The following LOC400499 variants were observed in gnomAD, a reference collection of about 807,000 sequenced individuals.
the LOC400499 span, among the ~76,000 whole-genome samples, chr16:11,419,156 ACT>A: frequency 2.7e-5 from 4 of 150,898 alleles, no homozygotes; most frequent in South Asian, 2.1e-4. Context: ...AAAGGGCAAA[ACT>A]CTGTCTCAAA....
chr16:11,460,636 T>C, the LOC400499 span: 1 of 1,501,806 alleles, frequency 6.7e-7, no homozygotes, highest in Non-Finnish European at 8.9e-7. Context: ...CAGAGACCCC[T>C]GCCCTCCTCT....
chr16:11,459,068 A>G, the LOC400499 span, among the ~76,000 whole-genome samples: 2 of 151,806 alleles, frequency 1.3e-5, no homozygotes. Flanking sequence ...AAATAAATAA[A>G]TAAATAAAAA....
chr16:11,502,781 A>AT, the LOC400499 span, among the ~76,000 whole-genome samples: 1 of 151,100 alleles, frequency 6.6e-6, no homozygotes, highest in Admixed American at 6.6e-5. Context: ...CGTCTGGCTT[A>AT]TTTTTTGTAT....
the LOC400499 span, chr16:11,446,705 T>G: frequency 6.5e-7 from 1 of 1,532,566 alleles, no homozygotes. Flanking sequence ...GGCCTTCCTC[T>G]GGCTCTCAGG....
At chr16:11,526,966 T>C in the LOC400499 span, among the ~76,000 whole-genome samples, 5 of 152,240 alleles carry the variant, frequency 3.3e-5, no homozygotes, top group African/African-American at 1.2e-4. Context: ...TCGCTCCTCT[T>C]CCCCATGAAA....
chr16:11,379,636 T>A, the LOC400499 span, among the ~76,000 whole-genome samples: 519 of 152,360 alleles, frequency 3.4e-3, 5 homozygotes, highest in African/African-American at 0.012. Context: ...CCAGTTGCTG[T>A]GGGGAGACTC....
the LOC400499 span, chr16:11,399,146 C>T: frequency 3.3e-6 from 3 of 916,418 alleles, no homozygotes; most frequent in African/African-American, 3.6e-5. Context: ...GGAGACCAGA[C>T]CTGATGCCTC....
chr16:11,419,062 A>T, the LOC400499 span, among the ~76,000 whole-genome samples: 1 of 152,154 alleles, frequency 6.6e-6, no homozygotes, highest in Non-Finnish European at 1.5e-5. Flanking sequence ...GTTACTCAGG[A>T]GGCTGAAGCG....
chr16:11,445,612 A>G, the LOC400499 span, among the ~76,000 whole-genome samples: 1 of 152,220 alleles, frequency 6.6e-6, no homozygotes, highest in East Asian at 1.9e-4. Context: ...CCGAGGCAGG[A>G]AAGAGCCAGG....
the LOC400499 span, among the ~76,000 whole-genome samples, chr16:11,434,969 A>G: frequency 6.6e-6 from 1 of 152,072 alleles, no homozygotes; most frequent in Non-Finnish European, 1.5e-5. Context: ...ATTCCTTTTT[A>G]CATGATTATT....
chr16:11,387,490 G>A, the LOC400499 span, among the ~76,000 whole-genome samples: 1 of 152,176 alleles, frequency 6.6e-6, no homozygotes, highest in African/African-American at 2.4e-5. Context: ...TGACAACGGA[G>A]GTGGTAGATG....
the LOC400499 span, chr16:11,372,476 T>G: frequency 6.6e-6 from 1 of 152,348 alleles, no homozygotes; most frequent in Admixed American, 6.5e-5. Flanking sequence ...TCTCCTGGTT[T>G]GCAGTGGAAG....
the LOC400499 span, among the ~76,000 whole-genome samples, chr16:11,445,494 G>C: frequency 3.3e-5 from 5 of 152,272 alleles, 1 homozygote; most frequent in South Asian, 8.3e-4. Context: ...GTGGTCTGGG[G>C]GTCAGGTGAG....
the LOC400499 span, among the ~76,000 whole-genome samples, chr16:11,487,100 T>C: frequency 1.3e-5 from 2 of 151,750 alleles, no homozygotes; most frequent in Admixed American, 6.6e-5. Flanking sequence ...AATTGATAGA[T>C]GTATGGACAT....
the LOC400499 span, among the ~76,000 whole-genome samples, chr16:11,456,076 C>T: frequency 6.7e-6 from 1 of 149,114 alleles, no homozygotes; most frequent in African/African-American, 2.5e-5. Flanking sequence ...TGGAGTTTCA[C>T]TCTTGTTGCC....
the LOC400499 span, chr16:11,493,636 G>T: frequency 2.5e-6 from 1 of 396,904 alleles, no homozygotes; most frequent in Admixed American, 4.4e-5. Flanking sequence ...CAGCACACAA[G>T]GGCTCACGTC....
chr16:11,377,345 T>C, the LOC400499 span, among the ~76,000 whole-genome samples: 1 of 152,250 alleles, frequency 6.6e-6, no homozygotes, highest in Non-Finnish European at 1.5e-5. Context: ...TTTTCTTTCT[T>C]AATAGCTCTA....
At chr16:11,383,884 A>ACCACCC in the LOC400499 span, 1 of 1,232,050 alleles carries the variant, frequency 8.1e-7, no homozygotes, top group Non-Finnish European at 1.0e-6. Flanking sequence ...GCTCACACTC[A>ACCACCC]CCACCCGGAA....
At chr16:11,391,201 G>T in the LOC400499 span, among the ~76,000 whole-genome samples, 1 of 152,234 alleles carries the variant, frequency 6.6e-6, no homozygotes, top group Non-Finnish European at 1.5e-5. Context: ...TGGGGGCTCT[G>T]TGCTGTGCTG....
Sources: allele counts gnomAD v4.1 joint callset (sites outside exome capture counted in the v4.1 genomes callset), GRCh38; gene constraint gnomAD v4.1.1; transcripts MANE v1.5.